Variants in NELL2 observed in about 807,000 individuals in gnomAD.
The protein encoded by NELL2 is neural EGFL like 2, also known as protein kinase C-binding protein NELL2.
A neutral mutation model predicts 109.6 loss-of-function variants in NELL2; 41 were observed. That is an observed-to-expected ratio of 0.37 (90% CI 0.29 to 0.49). NELL2 has a LOEUF of 0.49. Among genes scored for constraint, NELL2 ranks in the 20% least tolerant of loss-of-function variants. The pLI is 0.98. For missense variants in NELL2, 900 were observed against 1,008.3 expected (o/e 0.89, Z 1.45); for synonymous variants, 355 against 344.7 (o/e 1.03, Z -0.33).
chr12:44,687,079 C>T (rs1026103686), intron 12 of NELL2, among the ~76,000 whole-genome samples: 7 of 152,172 alleles, frequency 4.6e-5, no homozygotes, highest in Admixed American at 6.6e-5. Flanking sequence ...TAGGACCCTC[C>T]GAGCCAAGTG....
chr12:44,692,819 C>T (rs1300839817), intron 12 of NELL2, among the ~76,000 whole-genome samples: 1 of 152,140 alleles, frequency 6.6e-6, no homozygotes, highest in Non-Finnish European at 1.5e-5. Flanking sequence ...TGAATTGCTG[C>T]AATCTCATGT....
At chr12:44,642,551 CAGTGT>C (rs1199800110) in intron 13 of NELL2, among the ~76,000 whole-genome samples, 1 of 152,128 alleles carries the variant, frequency 6.6e-6, no homozygotes, top group Non-Finnish European at 1.5e-5. Flanking sequence ...TACTATACAA[CAGTGT>C]ATCTACAGTT....
intron 2 of NELL2, among the ~76,000 whole-genome samples, chr12:44,830,470 AT>A (rs772459224): frequency 6.6e-6 from 1 of 152,126 alleles, no homozygotes; most frequent in African/African-American, 2.4e-5. Flanking sequence ...ATTGAGCTAC[AT>A]TTTTTTCTAT....
At chr12:44,609,626 T>C (rs1945536597) in intron 14 of NELL2, among the ~76,000 whole-genome samples, 1 of 152,094 alleles carries the variant, frequency 6.6e-6, no homozygotes, top group African/African-American at 2.4e-5. Context: ...CAAGCAAATT[T>C]TTGTGGGATT....
At chr12:44,855,564 G>T (rs1452917256) in intron 2 of NELL2, among the ~76,000 whole-genome samples, 2 of 152,118 alleles carry the variant, frequency 1.3e-5, no homozygotes, top group Non-Finnish European at 2.9e-5. Flanking sequence ...CTCCCTGGTT[G>T]CTGTACCCTG....
At chr12:44,723,586 T>C (rs139924067) in intron 9 of NELL2, among the ~76,000 whole-genome samples, 206 of 152,316 alleles carry the variant, frequency 1.4e-3, no homozygotes, top group African/African-American at 4.6e-3. Flanking sequence ...CTTGATTATA[T>C]AAGTAAGCCT....
chr12:44,892,611 C>T (rs1242255712), intron 1 of NELL2, among the ~76,000 whole-genome samples: 1 of 151,872 alleles, frequency 6.6e-6, no homozygotes, highest in Admixed American at 6.6e-5. Context: ...TTCTGGCTAA[C>T]ATGATGAAAC....
At chr12:44,754,384 C>A (rs984366686) in intron 9 of NELL2, among the ~76,000 whole-genome samples, 1 of 152,130 alleles carries the variant, frequency 6.6e-6, no homozygotes, top group Admixed American at 6.5e-5. Context: ...TGAGATATCA[C>A]CCTTTTGTTT....
At chr12:44,847,581 G>C (rs1247791645) in intron 2 of NELL2, among the ~76,000 whole-genome samples, 1 of 126,538 alleles carries the variant, frequency 7.9e-6, no homozygotes, top group Non-Finnish European at 1.7e-5. Context: ...AAAAAAAAAA[G>C]CCTTGTACTC....
At chr12:44,579,755 T>C (rs1430960187) in intron 15 of NELL2, among the ~76,000 whole-genome samples, 1 of 152,176 alleles carries the variant, frequency 6.6e-6, no homozygotes, top group Non-Finnish European at 1.5e-5. Flanking sequence ...CATTTGGCAT[T>C]AGAATATGAG....
intron 9 of NELL2, among the ~76,000 whole-genome samples, chr12:44,730,985 C>T (rs1003987537): frequency 3.3e-5 from 5 of 151,880 alleles, no homozygotes; most frequent in African/African-American, 1.2e-4. Context: ...GAGACTACTC[C>T]TAATAATTAT....
intron 13 of NELL2, among the ~76,000 whole-genome samples, chr12:44,617,691 C>CAAAAA (rs975070930): frequency 1.0e-3 from 23 of 22,352 alleles, no homozygotes; most frequent in African/African-American, 1.3e-3. Flanking sequence ...GACTCCGTCT[C>CAAAAA]AAAAAAAAAA....
intron 1 of NELL2, among the ~76,000 whole-genome samples, chr12:44,886,175 G>T (rs1339026024): frequency 4.0e-5 from 6 of 151,630 alleles, no homozygotes; most frequent in Non-Finnish European, 8.8e-5. Flanking sequence ...ATCTTATCTT[G>T]CATCATACAC....
intron 2 of NELL2, among the ~76,000 whole-genome samples, chr12:44,835,791 G>A (rs868058660): frequency 1.8e-4 from 27 of 152,160 alleles, no homozygotes; most frequent in Admixed American, 5.2e-4. Flanking sequence ...GGAGAAATGC[G>A]GAAGCCAAGA....
At position 44,779,842 on chromosome 12, in the gene NELL2, C is replaced by T. The variant is rs1216568235; in HGVS notation, c.509+7G>A. 3 of 1,613,776 alleles carry T rather than the reference C, an allele frequency of 1.9e-6. No individual in the cohort carries two copies. The highest frequency in any genetic ancestry group is 1.7e-6 in the Non-Finnish European group (2 of 1,179,706). On this transcript the variant is annotated splice_region_variant and intron_variant, in intron 4 of 19. Coordinates refer to ENST00000429094, the MANE Select transcript of NELL2 (RefSeq NM_001145108.2). The stretch of plus-strand genomic sequence containing the variant: ...TCCATTTCCTAAAATGAGGACACTA[C>T]ACTTACTTATTGCAGTCAATGTGTA...
At chr12:44,670,749 TACA>T (rs1276139122) in intron 12 of NELL2, among the ~76,000 whole-genome samples, 73 of 152,070 alleles carry the variant, frequency 4.8e-4, no homozygotes, top group Middle Eastern at 3.4e-3. Flanking sequence ...AGTAGGAAGA[TACA>T]ACAATTGTAA....
chr12:44,550,301 T>A (rs1166972599), intron 15 of NELL2, among the ~76,000 whole-genome samples: 1 of 151,784 alleles, frequency 6.6e-6, no homozygotes, highest in Non-Finnish European at 1.5e-5. Flanking sequence ...TACATATATA[T>A]CCAAATAACT....
At chr12:44,795,757 C>T (rs1192865726) in intron 3 of NELL2, among the ~76,000 whole-genome samples, 1 of 151,948 alleles carries the variant, frequency 6.6e-6, no homozygotes, top group Non-Finnish European at 1.5e-5. Flanking sequence ...AGTGGTAGAG[C>T]CAAAATTATT....
intron 12 of NELL2, among the ~76,000 whole-genome samples, chr12:44,697,720 A>C (rs1949107334): frequency 6.6e-6 from 1 of 152,160 alleles, no homozygotes; most frequent in Non-Finnish European, 1.5e-5. Flanking sequence ...GAAGATAAAA[A>C]TCAAGCAGAG....
Sources: gnomAD v4.1 joint callset for allele counts (sites outside exome capture counted in the v4.1 genomes callset) on GRCh38, gnomAD v4.1.1 for gene constraint, MANE v1.5 for transcripts, NCBI Gene and HGNC (gene_info 2026-07-23, HGNC 2026-07-21) for gene names.